The following DAAM1 variants were observed in gnomAD, a reference collection of about 807,000 sequenced individuals.
The protein encoded by DAAM1 is dishevelled associated activator of morphogenesis 1, also known as disheveled-associated activator of morphogenesis 1.
A neutral mutation model predicts 130.0 loss-of-function variants in DAAM1; 52 were observed. The observed-to-expected ratio is 0.40, with a 90% CI of 0.32 to 0.50. The LOEUF is 0.50. Among genes scored for constraint, DAAM1 ranks in the 20% least tolerant of loss-of-function variants. DAAM1 has a pLI of 0.61. For missense variants in DAAM1, 1,134 were observed against 1,303.8 expected, an observed-to-expected ratio of 0.87 and a Z score of 2.01; for synonymous variants, 452 against 444.5, an observed-to-expected ratio of 1.02 and a Z score of -0.21.
At chr14:59,340,887 C>T (rs142119346) in intron 16 of DAAM1, among the ~76,000 whole-genome samples, 1 of 152,234 alleles carries the variant, frequency 6.6e-6, no homozygotes, top group African/African-American at 2.4e-5. Flanking sequence ...GCAAAGATAC[C>T]TAATGCTTAT....
At chr14:59,231,577 C>G (rs1889107654) in intron 1 of DAAM1, among the ~76,000 whole-genome samples, 1 of 152,136 alleles carries the variant, frequency 6.6e-6, no homozygotes, top group Non-Finnish European at 1.5e-5. Context: ...TAGAGTCAGA[C>G]AGCCAGGGTT....
chr14:59,212,387 A>G lies in DAAM1; in HGVS notation c.-38+23619A>G, dbSNP rs17095881. ...GTGAACAAATATAAGTAATTAAGTC[A>G]AAGTTTTGAAGCACATATTATGGCT... On this transcript the variant is annotated intron_variant, in intron 1 of 24. Coordinates refer to ENST00000360909, the MANE Select transcript of DAAM1 (RefSeq NM_001270520.2). Among the ~76,000 whole-genome samples the G allele has an allele frequency of 6.1e-3, 930 of 152,346 alleles. 25 individuals carry two copies. The highest frequency in any genetic ancestry group is 0.048 in the Admixed American group (727 of 15,292).
intron 3 of DAAM1, among the ~76,000 whole-genome samples, chr14:59,309,910 C>T (rs1210209426): frequency 6.6e-6 from 1 of 152,188 alleles, no homozygotes; most frequent in Non-Finnish European, 1.5e-5. Flanking sequence ...GGCACCTATT[C>T]TCTAACATAA....
chr14:59,196,460 T>C (rs1364090355), intron 1 of DAAM1, among the ~76,000 whole-genome samples: 1 of 152,088 alleles, frequency 6.6e-6, no homozygotes, highest in African/African-American at 2.4e-5. Context: ...TTGTAAGAAA[T>C]GGGCCGGGTG....
chr14:59,261,847 A>T (rs1882170637), intron 1 of DAAM1, among the ~76,000 whole-genome samples: 2 of 152,252 alleles, frequency 1.3e-5, no homozygotes. Flanking sequence ...GAACAAAAAA[A>T]AGTTCAAGGA....
At chr14:59,267,824 C>G (rs1223719564) in intron 2 of DAAM1, among the ~76,000 whole-genome samples, 1 of 151,868 alleles carries the variant, frequency 6.6e-6, no homozygotes, top group Non-Finnish European at 1.5e-5. Context: ...TTTCAAGGTT[C>G]ACCCTTAGAG....
At chr14:59,235,890 A>G (rs1407283641) in intron 1 of DAAM1, among the ~76,000 whole-genome samples, 1 of 152,204 alleles carries the variant, frequency 6.6e-6, no homozygotes, top group African/African-American at 2.4e-5. Context: ...GTTATGGTGG[A>G]ACACGCATGC....
intron 5 of DAAM1, 75 bp downstream of exon 5, chr14:59,320,659 A>G: frequency 1.9e-6 from 2 of 1,066,944 alleles, no homozygotes; most frequent in Non-Finnish European, 2.7e-6. Context: ...CAAACCTTCT[A>G]GGAAGTCTTA....
In DAAM1 at chr14:59,331,216, T is replaced by A. The variant is rs1370062688; in HGVS notation, c.1568T>A (p.Val523Asp). 1 of 1,612,874 alleles carries A rather than the reference T, an allele frequency of 6.2e-7. No individual in the cohort carries two copies. Among genetic ancestry groups the A allele is most frequent in the Non-Finnish European group, 8.5e-7 (1 of 1,179,960 alleles). The change falls in exon 14 of 25, where the codon GTC (valine) becomes GAC (aspartate). Residue 523 changes from valine to aspartate, a missense_variant. This residue lies in a region of DAAM1 where 644 missense variants were observed against 695.9 expected (regional missense o/e 0.93). Transcript: ENST00000360909. ...CTATTTTTATCTTTTCAGAGGGCCG[T>A]CTGTGCTTCAATCCCAGGTGGACCC... Reference protein sequence around the residue: ...AQLHELSRRAVCASIPGGPSP... With the variant: ...AQLHELSRRADCASIPGGPSP...
chr14:59,237,095 C>A lies in DAAM1; in HGVS notation c.-37-26346C>A, dbSNP rs187353300. ...CCCTTGGGCCGCAATTTGCACACCC[C>A]TAGCATAGAGTCAGTTTTAACCTAC... is the stretch of plus-strand genomic sequence containing the variant. On this transcript the variant is annotated intron_variant, in intron 1 of 24. Transcript: ENST00000360909. Among the ~76,000 whole-genome samples the A allele has an allele frequency of 9.2e-5, 14 of 152,290 alleles. No homozygotes were observed. The South Asian group carries it at 1.9e-3, about 20-fold the overall frequency.
At chr14:59,328,516 C>T (rs1885298454) in intron 12 of DAAM1, among the ~76,000 whole-genome samples, 1 of 152,170 alleles carries the variant, frequency 6.6e-6, no homozygotes, top group Non-Finnish European at 1.5e-5. Flanking sequence ...TGTTGAATGC[C>T]TGTATGTGTC....
chr14:59,324,502 G>A, intron 8 of DAAM1, 48 bp downstream of exon 8: 1 of 1,304,696 alleles, frequency 7.7e-7, no homozygotes, highest in Non-Finnish European at 1.0e-6. Flanking sequence ...TTTCCCATCT[G>A]TGTAATGCAA....
In DAAM1 at chr14:59,360,791, A is replaced by T; in HGVS notation, c.2634-11A>T. 1 of 1,612,812 alleles carries T rather than the reference A, an allele frequency of 6.2e-7. No homozygotes were observed. The highest frequency in any genetic ancestry group is 8.5e-7 in the Non-Finnish European group (1 of 1,179,336). On this transcript the variant is annotated splice_polypyrimidine_tract_variant and intron_variant, in intron 21 of 24. Transcript: ENST00000360909. Reference sequence around the variant, plus strand: ...ACATGTTGATTGCTAAAACATTGCTATTTACAACAGCATGACTGAGCTGGA... The same window carrying T: ...ACATGTTGATTGCTAAAACATTGCTTTTTACAACAGCATGACTGAGCTGGA...
At chr14:59,264,023 A>G (rs1882313249) in intron 2 of DAAM1, 2 of 316,596 alleles carry the variant, frequency 6.3e-6, no homozygotes, top group East Asian at 7.9e-5. Context: ...CTTCACACCT[A>G]TTGGGATTCC....
At chr14:59,302,235 C>T (rs549376599) in intron 3 of DAAM1, among the ~76,000 whole-genome samples, 1 of 152,326 alleles carries the variant, frequency 6.6e-6, no homozygotes, top group Non-Finnish European at 1.5e-5. Context: ...AGGTCTTGCA[C>T]TCCCTGTAAC....
intron 3 of DAAM1, among the ~76,000 whole-genome samples, chr14:59,301,273 A>G (rs1439527951): frequency 6.6e-6 from 1 of 152,194 alleles, no homozygotes. Context: ...GAAAATGAAA[A>G]GTATTCTATT....
In DAAM1 at chr14:59,222,860, T is replaced by A. The variant is rs74951129; in HGVS notation, c.-38+34092T>A. On this transcript the variant is annotated intron_variant, in intron 1 of 24. Coordinates refer to ENST00000360909, the MANE Select transcript of DAAM1 (RefSeq NM_001270520.2). Reference sequence around the variant, plus strand: ...CATGCCATTGGCTACAGCCCATGAATTGGGTATATAATTGCATGTCTGGCC... The same window carrying A: ...CATGCCATTGGCTACAGCCCATGAAATGGGTATATAATTGCATGTCTGGCC... Among the ~76,000 whole-genome samples, 3 of 152,338 alleles carry A rather than the reference T, an allele frequency of 2.0e-5. 1 individual carries two copies. The highest frequency in any genetic ancestry group is 7.2e-5 in the African/African-American group (3 of 41,570).
chr14:59,303,624 C>G (rs772753384), intron 3 of DAAM1, among the ~76,000 whole-genome samples: 6 of 152,134 alleles, frequency 3.9e-5, no homozygotes, highest in Non-Finnish European at 8.8e-5. Context: ...GGGCCAGGTG[C>G]GATGGCTAAC....
rs1035868576 is a variant in DAAM1 at position 59,354,005 on chromosome 14, T to C, written c.2356+41T>C. The C allele has an allele frequency of 2.5e-6, 4 of 1,587,958 alleles. No individual in the cohort carries two copies. The African/African-American group carries it at 5.4e-5, about 21-fold the overall frequency. On this transcript the variant is annotated intron_variant, in intron 19 of 24. Transcript: ENST00000360909. The stretch of plus-strand genomic sequence containing the variant: ...CTAGATTGGAAATGATGTTCATCAT[T>C]ACAACCCATTTAAAAGTGCAATCCA...
Sources: allele counts gnomAD v4.1 joint callset (sites outside exome capture counted in the v4.1 genomes callset), GRCh38; gene constraint gnomAD v4.1.1; regional missense constraint gnomAD v4.1.1; transcripts MANE v1.5; gene names NCBI Gene and HGNC (gene_info 2026-07-23, HGNC 2026-07-21).